The following COL26A1 variants were observed in gnomAD, a reference collection of about 807,000 sequenced individuals.
COL26A1 encodes the protein collagen alpha-1(XXVI) chain.
COL26A1 carries 41 observed loss-of-function variants against 59.3 expected under a neutral mutation model. The observed-to-expected ratio is 0.69, with a 90% CI of 0.54 to 0.90. The LOEUF (loss-of-function observed/expected upper bound fraction) is 0.90. Ranked by LOEUF, COL26A1 falls within the 40% of genes least tolerant of loss-of-function variation. The pLI is 0.00. For synonymous variants in COL26A1, 266 were observed against 256.0 expected, an observed-to-expected ratio of 1.04 and a Z score of -0.37; for missense variants, 612 against 602.3, an observed-to-expected ratio of 1.02 and a Z score of -0.17.
At chr7:101,423,407 C>G (rs898703793) in intron 2 of COL26A1, among the ~76,000 whole-genome samples, 3 of 152,130 alleles carry the variant, frequency 2.0e-5, no homozygotes, top group African/African-American at 7.2e-5. Flanking sequence ...CTCTCCTTTA[C>G]CACTTAAGTA....
chr7:101,494,826 C>A (rs905984684), intron 3 of COL26A1, among the ~76,000 whole-genome samples: 2 of 152,214 alleles, frequency 1.3e-5, no homozygotes, highest in Non-Finnish European at 2.9e-5. Flanking sequence ...TGGCTGGGAG[C>A]ACAGGCTGCC....
At chr7:101,453,378 G>A (rs916561741) in intron 3 of COL26A1, among the ~76,000 whole-genome samples, 2 of 152,128 alleles carry the variant, frequency 1.3e-5, no homozygotes, top group African/African-American at 4.8e-5. Context: ...AAAAGGAAAA[G>A]AAATTTTATG....
At chr7:101,520,712 G>A (rs1212200060) in intron 3 of COL26A1, among the ~76,000 whole-genome samples, 1 of 151,400 alleles carries the variant, frequency 6.6e-6, no homozygotes, top group Non-Finnish European at 1.5e-5. Context: ...ATGTGGAGTG[G>A]TCTTCCTTTT....
chr7:101,488,419 A>T (rs1794316308), intron 3 of COL26A1, among the ~76,000 whole-genome samples: 1 of 143,830 alleles, frequency 7.0e-6, no homozygotes, highest in African/African-American at 2.6e-5. Context: ...TCTGTCACCC[A>T]GGCTGGAGTG....
At chr7:101,407,321 C>T (rs1257207419) in intron 1 of COL26A1, among the ~76,000 whole-genome samples, 1 of 152,176 alleles carries the variant, frequency 6.6e-6, no homozygotes, top group African/African-American at 2.4e-5. Context: ...CCGCTTGTCT[C>T]TGCTCGATAT....
chr7:101,479,319 A>T (rs1273143376), intron 3 of COL26A1, among the ~76,000 whole-genome samples: 1 of 152,220 alleles, frequency 6.6e-6, no homozygotes, highest in East Asian at 1.9e-4. Flanking sequence ...TAATACATCC[A>T]AATTTAAGCC....
At chr7:101,405,684 G>A in intron 1 of COL26A1, among the ~76,000 whole-genome samples, 1 of 152,120 alleles carries the variant, frequency 6.6e-6, no homozygotes, top group Non-Finnish European at 1.5e-5. Flanking sequence ...AAAGCGCTTG[G>A]CACCATCTCT....
intron 3 of COL26A1, among the ~76,000 whole-genome samples, chr7:101,474,996 C>T (rs557131308): frequency 1.3e-5 from 2 of 152,276 alleles, no homozygotes; most frequent in African/African-American, 4.8e-5. Flanking sequence ...AGTTCGAGAC[C>T]AGCCTAGTCA....
chr7:101,495,415 T>C (rs1794563429), intron 3 of COL26A1, among the ~76,000 whole-genome samples: 1 of 151,360 alleles, frequency 6.6e-6, no homozygotes, highest in Admixed American at 6.6e-5. Flanking sequence ...TGGGGAATTT[T>C]TTTTTTTTTT....
intron 3 of COL26A1, among the ~76,000 whole-genome samples, chr7:101,471,567 G>GTTTTTTTTTTTTT (rs796287195): frequency 8.9e-5 from 10 of 112,386 alleles, no homozygotes; most frequent in African/African-American, 2.8e-4. Flanking sequence ...TGTTGTTGTT[G>GTTTTTTTTTTTTT]TTTGTTTTTT....
At chr7:101,370,319 T>C (rs749820917) in intron 1 of COL26A1, among the ~76,000 whole-genome samples, 56 of 152,158 alleles carry the variant, frequency 3.7e-4, no homozygotes, top group Non-Finnish European at 6.9e-4. Context: ...TGGCTAGATA[T>C]TTAAAAGTAT....
chr7:101,519,496 C>T (rs1260418609), intron 3 of COL26A1, among the ~76,000 whole-genome samples: 1 of 152,208 alleles, frequency 6.6e-6, no homozygotes, highest in Non-Finnish European at 1.5e-5. Flanking sequence ...CCGGGCCCTG[C>T]TGGTGGCTCC....
At chr7:101,458,455 G>T (rs1257710724) in intron 3 of COL26A1, among the ~76,000 whole-genome samples, 1 of 150,524 alleles carries the variant, frequency 6.6e-6, no homozygotes, top group African/African-American at 2.4e-5. Flanking sequence ...GGCCAACATG[G>T]TGAAACCTCG....
chr7:101,505,691 C>T (rs142989889), intron 3 of COL26A1, among the ~76,000 whole-genome samples: 55 of 152,284 alleles, frequency 3.6e-4, no homozygotes, highest in African/African-American at 1.3e-3. Context: ...TTGGCCACAC[C>T]GGCAGCTGAT....
intron 2 of COL26A1, among the ~76,000 whole-genome samples, chr7:101,431,655 G>T (rs1334337170): frequency 6.6e-6 from 1 of 151,776 alleles, no homozygotes; most frequent in Admixed American, 6.6e-5. Context: ...GTTGAATTTT[G>T]TCAAATGCCT....
intron 1 of COL26A1, among the ~76,000 whole-genome samples, chr7:101,387,753 T>TA (rs1491134227): frequency 3.1e-5 from 3 of 97,736 alleles, no homozygotes; most frequent in African/African-American, 1.3e-4. Flanking sequence ...TATATATATA[T>TA]TTATATATAT....
chr7:101,452,463 C>A (rs1793363382), intron 3 of COL26A1, among the ~76,000 whole-genome samples: 1 of 152,186 alleles, frequency 6.6e-6, no homozygotes, highest in Non-Finnish European at 1.5e-5. Flanking sequence ...ATCCGATAAA[C>A]CACATTGATA....
intron 3 of COL26A1, among the ~76,000 whole-genome samples, chr7:101,479,192 T>C (rs1029306938): frequency 1.3e-5 from 2 of 152,208 alleles, no homozygotes; most frequent in Non-Finnish European, 2.9e-5. Context: ...TCACCAGCAG[T>C]GTATAAAAGT....
chr7:101,557,415 T>C lies in COL26A1; in HGVS notation c.1211T>C (p.Leu404Pro). 1 of 1,613,764 alleles carries C rather than the reference T, an allele frequency of 6.2e-7. No homozygotes were observed. Among genetic ancestry groups the C allele is most frequent in the Non-Finnish European group, 8.5e-7 (1 of 1,179,734 alleles). ...PEGGSGQDAA[L>P]RANLKMKRGG... is the part of the protein sequence containing the mutation. ...GGAGGTTCTGGCCAGGATGCTGCCC[T>C]GAGAGCCAACCTCAAGATGAAGAGG... Residue 404 changes from leucine to proline, a missense_variant, in exon 13 of 13, where the codon CTG becomes CCG. Physicochemically the swap from Leu to Pro is moderately conservative, Grantham distance 98. Coordinates refer to ENST00000313669, the MANE Select transcript of COL26A1 (RefSeq NM_001278563.3).
Sources: gnomAD v4.1 joint callset for allele counts (sites outside exome capture counted in the v4.1 genomes callset) on GRCh38, gnomAD v4.1.1 for gene constraint, MANE v1.5 for transcripts, NCBI Gene and HGNC (gene_info 2026-07-23, HGNC 2026-07-21) for gene names.